The following GALNT9 variants were observed in gnomAD, a reference collection of about 807,000 sequenced individuals.
GALNT9 encodes polypeptide N-acetylgalactosaminyltransferase 9, also known as GalNAc transferase 9.
In GALNT9, 47 loss-of-function variants were observed where a neutral mutation model predicts 63.1. The ratio of observed to expected loss-of-function variants is 0.75; its 90% CI spans 0.59 to 0.95. The LOEUF is 0.95. Among genes scored for constraint, GALNT9 ranks in the 40% least tolerant of loss-of-function variants. GALNT9 has a pLI of 0.00. For missense variants in GALNT9, 829 were observed against 874.8 expected, an observed-to-expected ratio of 0.95 and a Z score of 0.66; for synonymous variants, 396 against 365.7, an observed-to-expected ratio of 1.08 and a Z score of -0.94.
At chr12:132,254,442 G>A (rs1342728165) in intron 5 of GALNT9, among the ~76,000 whole-genome samples, 2 of 151,958 alleles carry the variant, frequency 1.3e-5, no homozygotes, top group Admixed American at 1.3e-4. Context: ...TTTTTCTCTC[G>A]CCTATTACTC....
chr12:132,215,855 G>T (rs542429201), intron 6 of GALNT9, among the ~76,000 whole-genome samples: 2 of 152,226 alleles, frequency 1.3e-5, no homozygotes, highest in South Asian at 4.1e-4. Context: ...CTCACAGCAG[G>T]GGATGGAGAG....
chr12:132,260,890 G>C, intron 4 of GALNT9, 58 bp downstream of exon 4: 1 of 1,461,262 alleles, frequency 6.8e-7, no homozygotes, highest in South Asian at 1.4e-5. Flanking sequence ...CGGCTTAGGA[G>C]GGGGATGGTG....
intron 6 of GALNT9, chr12:132,240,595 G>C (rs1348296767): frequency 1.1e-5 from 5 of 455,188 alleles, no homozygotes; most frequent in Non-Finnish European, 2.2e-5. Context: ...TCGGCTGTGG[G>C]CTCCGTGCGT....
intron 2 of GALNT9, among the ~76,000 whole-genome samples, chr12:132,269,076 A>G (rs1879766611): frequency 6.6e-6 from 1 of 152,248 alleles, no homozygotes; most frequent in Non-Finnish European, 1.5e-5. Flanking sequence ...ACTGAAAGAC[A>G]CAGAGGGAGG....
chr12:132,257,774 G>C lies in GALNT9; in HGVS notation c.874C>G (p.His292Asp), dbSNP rs1879193914. The C allele has an allele frequency of 6.5e-7, 1 of 1,550,374 alleles. No homozygotes were observed. Among genetic ancestry groups the C allele is most frequent in the Non-Finnish European group, 8.7e-7 (1 of 1,146,868 alleles). ...CACCAGAGGCCCCAGTTGTAGCCAT[G>C]GGCGGCGTTCGCATACTGCTGCACC... Reference protein sequence around the residue: ...FEVQQYANAAHGYNWGLWCMY... With the variant: ...FEVQQYANAADGYNWGLWCMY... Residue 292 changes from histidine to aspartate, a missense_variant, in exon 5 of 11, where the codon CAT becomes GAT. By Grantham distance (81) the His-to-Asp change is moderately conservative. Coordinates refer to ENST00000328957, the MANE Select transcript of GALNT9 (RefSeq NM_001122636.2).
In GALNT9 at chr12:132,197,042, ACT is replaced by A; in HGVS notation, c.*63_*64del. The A allele has an allele frequency of 6.3e-7, 1 of 1,591,518 alleles. No individual in the cohort carries two copies. The highest frequency in any genetic ancestry group is 2.2e-5 in the East Asian group (1 of 44,570). ...TGTGTCTGCCGGGCACACCCCGGTC[ACT>A]CAGCCACACTGGCTCGGCCCAGCGC... is the stretch of plus-strand genomic sequence containing the variant. On this transcript the variant is annotated 3_prime_UTR_variant, in exon 11 of 11. Transcript: ENST00000328957.
At chr12:132,215,831 C>G (rs545390027) in intron 6 of GALNT9, among the ~76,000 whole-genome samples, 1 of 152,190 alleles carries the variant, frequency 6.6e-6, no homozygotes, top group African/African-American at 2.4e-5. Context: ...CTCCTGGGTG[C>G]TGGCCCTCCC....
chr12:132,275,890 G>T (rs922776909), intron 2 of GALNT9: 9 of 152,740 alleles, frequency 5.9e-5, no homozygotes, highest in African/African-American at 1.4e-4. Flanking sequence ...GTGTGCCCAG[G>T]TGTGTGTGTG....
At chr12:132,198,896 C>T (rs1401834049) in intron 9 of GALNT9, among the ~76,000 whole-genome samples, 1 of 152,200 alleles carries the variant, frequency 6.6e-6, no homozygotes. Context: ...AGTGATCTGT[C>T]TGCCTTGGCC....
At chr12:132,218,627 C>G (rs1344861424) in intron 6 of GALNT9, among the ~76,000 whole-genome samples, 1 of 152,234 alleles carries the variant, frequency 6.6e-6, no homozygotes, top group Non-Finnish European at 1.5e-5. Flanking sequence ...ATGCCTCGTT[C>G]TGCAGCAGCG....
intron 6 of GALNT9, among the ~76,000 whole-genome samples, chr12:132,210,672 G>A (rs1876916508): frequency 6.6e-6 from 1 of 152,224 alleles, no homozygotes; most frequent in Admixed American, 6.5e-5. Context: ...GAGCTGGCAT[G>A]GGCAGGCTGT....
intron 1 of GALNT9, among the ~76,000 whole-genome samples, chr12:132,302,917 G>A (rs73475832): frequency 0.11 from 17,343 of 152,056 alleles, 2,049 homozygotes; most frequent in African/African-American, 0.3. Flanking sequence ...GAGGAGGGTG[G>A]GCACAGTGGT....
In GALNT9 at chr12:132,246,987, T is replaced by C. The variant is rs1227995353; in HGVS notation, c.1077+923A>G. On this transcript the variant is annotated intron_variant, in intron 6 of 10. Coordinates refer to ENST00000328957, the MANE Select transcript of GALNT9 (RefSeq NM_001122636.2). The surrounding 1 kb of genome is among the most constrained non-coding windows in gnomAD (Gnocchi z 4.7). ...TTTTGAAAGGTGCAACTTAATAAACTACATATAAATTTTTAAAACTAGCCT... is the reference window on the plus strand; with the variant it reads ...TTTTGAAAGGTGCAACTTAATAAACCACATATAAATTTTTAAAACTAGCCT... Among the ~76,000 whole-genome samples, 1 of 152,238 alleles carries C rather than the reference T, an allele frequency of 6.6e-6. No individual in the cohort carries two copies. Among genetic ancestry groups the C allele is most frequent in the East Asian group, 1.9e-4 (1 of 5,206 alleles).
intron 7 of GALNT9, among the ~76,000 whole-genome samples, chr12:132,201,765 G>A (rs910334764): frequency 6.6e-6 from 1 of 152,228 alleles, no homozygotes; most frequent in African/African-American, 2.4e-5. Flanking sequence ...CCCGCGGGGG[G>A]ACACCTGAGA....
At chr12:132,276,198 G>A (rs1382037327) in intron 2 of GALNT9, 2 of 153,952 alleles carry the variant, frequency 1.3e-5, no homozygotes, top group African/African-American at 4.8e-5. Context: ...CTCACCCAAG[G>A]GTCCCACTCC....
chr12:132,204,269 T>A lies in GALNT9; in HGVS notation c.1078-579A>T, dbSNP rs545828223. On this transcript the variant is annotated intron_variant, in intron 6 of 10. Coordinates refer to ENST00000328957, the MANE Select transcript of GALNT9 (RefSeq NM_001122636.2). ...TCCTTTTATGCTTCCTTCCGTGTCGTTCCACTTAAGCAATACCAGCCTTCC... is the reference window on the plus strand; with the variant it reads ...TCCTTTTATGCTTCCTTCCGTGTCGATCCACTTAAGCAATACCAGCCTTCC... Among the ~76,000 whole-genome samples, 528 of 145,412 alleles carry A rather than the reference T, an allele frequency of 3.6e-3. 5 individuals carry two copies. The highest frequency in any genetic ancestry group is 0.014 in the African/African-American group (505 of 35,094).
chr12:132,218,126 C>A (rs1877294845), intron 6 of GALNT9, among the ~76,000 whole-genome samples: 1 of 152,022 alleles, frequency 6.6e-6, no homozygotes, highest in African/African-American at 2.4e-5. Context: ...GACCATCTAT[C>A]CCTTCCTTCT....
At chr12:132,268,150 A>C (rs560742253) in intron 2 of GALNT9, among the ~76,000 whole-genome samples, 2 of 148,646 alleles carry the variant, frequency 1.3e-5, no homozygotes, top group East Asian at 4.0e-4. Flanking sequence ...CACACACGCA[A>C]TCTCACACAA....
At chr12:132,261,147 C>T (rs569278486) in intron 3 of GALNT9, 25 bp from the exon 4 acceptor site, 112 of 1,547,288 alleles carry the variant, frequency 7.2e-5, no homozygotes, top group Non-Finnish European at 7.0e-5. Flanking sequence ...GACTTTAGCA[C>T]GCTGGCAGGT....
Sources: gnomAD v4.1 joint callset for allele counts (sites outside exome capture counted in the v4.1 genomes callset) on GRCh38, gnomAD v4.1.1 for gene constraint, Gnocchi (gnomAD v3.1) non-coding constraint, MANE v1.5 for transcripts, NCBI Gene and HGNC (gene_info 2026-07-23, HGNC 2026-07-21) for gene names.